The following PIK3AP1 variants were observed in gnomAD, a reference collection of about 807,000 sequenced individuals.
PIK3AP1 encodes the protein phosphoinositide-3-kinase adaptor protein 1, also known as phosphoinositide 3-kinase adapter protein 1.
PIK3AP1 carries 21 observed loss-of-function variants against 88.1 expected under a neutral mutation model. That is an observed-to-expected ratio of 0.24 (90% confidence interval 0.17 to 0.34). The LOEUF is 0.34. PIK3AP1 is among the 10% of genes least tolerant of loss of function. The probability of loss-of-function intolerance (pLI) is 1.00; values close to 1 mark genes in which losing one functional copy is unlikely to be tolerated. For missense variants in PIK3AP1, 828 were observed against 1,035.7 expected (o/e 0.80, Z 2.75); for synonymous variants, 398 against 400.0 (o/e 1.00, Z 0.06).
At chr10:96,680,094 C>CA (rs922685791) in intron 2 of PIK3AP1, among the ~76,000 whole-genome samples, 4 of 152,004 alleles carry the variant, frequency 2.6e-5, no homozygotes, top group Non-Finnish European at 5.9e-5. Context: ...CAGCCCTTTC[C>CA]AAAAAATGGT....
chr10:96,608,707 G>C (rs1849046344), intron 14 of PIK3AP1, among the ~76,000 whole-genome samples: 1 of 152,194 alleles, frequency 6.6e-6, no homozygotes, highest in South Asian at 2.1e-4. Flanking sequence ...GCATGTATCT[G>C]GGGGACACAG....
intron 1 of PIK3AP1, among the ~76,000 whole-genome samples, chr10:96,719,334 C>T (rs967003229): frequency 7.2e-5 from 11 of 152,208 alleles, no homozygotes; most frequent in African/African-American, 2.7e-4. Context: ...CCTGTAAGAA[C>T]AGTGCCTTCT....
Position 96,617,959 on chromosome 10 carries a change from T to C in PIK3AP1, c.1942-1248A>G, listed in dbSNP as rs538601169. ...GCTGAAGGAAAGCTTCAATGTCCAT[T>C]GTGAGAGGGTGACGTGAAGGAGACA... is the stretch of plus-strand genomic sequence containing the variant. On this transcript the variant is annotated intron_variant, in intron 12 of 16. Transcript: ENST00000339364. Among the ~76,000 whole-genome samples the C allele has an allele frequency of 1.2e-4, 18 of 152,120 alleles. No homozygotes were observed. In the South Asian group the frequency reaches 3.7e-3, roughly 32 times the overall value.
At position 96,645,606 on chromosome 10, in the gene PIK3AP1, C is replaced by T. The variant is rs1181792428; in HGVS notation, c.1242G>A (p.Glu414=). 24 of 1,612,266 alleles carry T rather than the reference C, an allele frequency of 1.5e-5. No individual in the cohort carries two copies. The highest frequency in any genetic ancestry group is 1.7e-5 in the Non-Finnish European group (20 of 1,179,228). ...HIKEELMHGE[E]ADAVYESMAH... Reference sequence around the variant, plus strand: ...CCATGGACTCGTACACAGCATCAGCCTCCTCCCCGTGCATCAGTTCCTCTT... The same window carrying T: ...CCATGGACTCGTACACAGCATCAGCTTCCTCCCCGTGCATCAGTTCCTCTT... Residue 414 remains glutamate (E), a synonymous_variant, in exon 8 of 17, where the codon GAG becomes GAA. Transcript: ENST00000339364.
intron 13 of PIK3AP1, among the ~76,000 whole-genome samples, chr10:96,613,484 T>C (rs910192626): frequency 1.3e-5 from 2 of 152,178 alleles, no homozygotes; most frequent in African/African-American, 4.8e-5. Flanking sequence ...CTCTCAATAG[T>C]TATGACATTG....
chr10:96,627,851 A>T (rs756711307), intron 9 of PIK3AP1, among the ~76,000 whole-genome samples: 12 of 152,196 alleles, frequency 7.9e-5, no homozygotes, highest in Non-Finnish European at 1.5e-4. Flanking sequence ...CTCATTTTAC[A>T]ACGGAGGAAA....
intron 2 of PIK3AP1, among the ~76,000 whole-genome samples, chr10:96,667,173 C>T (rs903652023): frequency 6.6e-6 from 1 of 152,228 alleles, no homozygotes; most frequent in African/African-American, 2.4e-5. Flanking sequence ...GCCTCCAACC[C>T]AAGGCTGCAC....
intron 2 of PIK3AP1, among the ~76,000 whole-genome samples, chr10:96,691,306 T>C (rs137959798): frequency 1.5e-3 from 227 of 152,306 alleles, no homozygotes; most frequent in African/African-American, 5.3e-3. Context: ...GGATGTTATA[T>C]CTTGCTATAT....
intron 13 of PIK3AP1, among the ~76,000 whole-genome samples, chr10:96,616,166 A>G (rs1849212073): frequency 6.6e-6 from 1 of 152,166 alleles, no homozygotes; most frequent in Non-Finnish European, 1.5e-5. Flanking sequence ...CTGCTATTGC[A>G]CCATGGAAGC....
intron 2 of PIK3AP1, among the ~76,000 whole-genome samples, chr10:96,677,720 G>A (rs559864389): frequency 3.3e-5 from 5 of 151,848 alleles, no homozygotes; most frequent in African/African-American, 1.2e-4. Context: ...CACACTTTCC[G>A]GTTTAGAATC....
intron 2 of PIK3AP1, among the ~76,000 whole-genome samples, chr10:96,709,166 A>G (rs907222272): frequency 3.3e-5 from 5 of 151,798 alleles, no homozygotes; most frequent in African/African-American, 9.7e-5. Flanking sequence ...TTTTAACAAA[A>G]ATGTGAAGTT....
chr10:96,619,750 C>T (rs1307628267), intron 12 of PIK3AP1, among the ~76,000 whole-genome samples: 1 of 152,256 alleles, frequency 6.6e-6, no homozygotes, highest in African/African-American at 2.4e-5. Context: ...ACACCCCAGT[C>T]CTCCAATCCC....
In PIK3AP1 at chr10:96,709,999, G is replaced by C; in HGVS notation, c.14-16C>G. 6.4e-7 allele frequency: 1 copy of C among 1,560,744 alleles called. No individual in the cohort carries two copies. Among genetic ancestry groups the C allele is most frequent in the Non-Finnish European group, 8.7e-7 (1 of 1,147,598 alleles). On this transcript the variant is annotated splice_polypyrimidine_tract_variant and intron_variant, in intron 1 of 16. Transcript: ENST00000339364. Reference sequence around the variant, plus strand: ...CTGGGCACCCCTGGACAAGAATGAGGCACAGAAGCATGTTAGCACACCTCC... The same window carrying C: ...CTGGGCACCCCTGGACAAGAATGAGCCACAGAAGCATGTTAGCACACCTCC...
At chr10:96,702,147 G>A (rs1844305523) in intron 2 of PIK3AP1, among the ~76,000 whole-genome samples, 1 of 152,180 alleles carries the variant, frequency 6.6e-6, no homozygotes, top group Admixed American at 6.5e-5. Context: ...ACCAGGGACA[G>A]GGGTAAAGAA....
chr10:96,622,522 A>G (rs1014094920), intron 11 of PIK3AP1, among the ~76,000 whole-genome samples: 5 of 152,332 alleles, frequency 3.3e-5, no homozygotes, highest in East Asian at 3.9e-4. Flanking sequence ...AGAGACGTTT[A>G]TCTATCATTC....
intron 2 of PIK3AP1, 96 bp from the exon 3 acceptor site, chr10:96,657,030 A>C: frequency 5.1e-5 from 65 of 1,286,470 alleles, no homozygotes; most frequent in Admixed American, 6.3e-5. Flanking sequence ...CAAAATAGGA[A>C]ACGGCTCTGA....
In PIK3AP1 at chr10:96,628,424, T is replaced by A; in HGVS notation, c.1445A>T (p.Asp482Val). ...TTCTAAAAACTTGCGGATCATAGAG[T>A]CCTTAGTGGCCCGAGAGAAACCATC... The part of the protein sequence containing the change: ...PGDGFSRATK[D>V]SMIRKFLEGN... The change falls in exon 9 of 17, where the codon GAC (aspartate) becomes GTC (valine). Residue 482 changes from aspartate (D) to valine (V), a missense_variant. Physicochemically the swap from Asp to Val is radical, Grantham distance 152 (BLOSUM62 -3). Around this residue, in one of 3 missense-constraint regions of PIK3AP1, gnomAD observed 610 missense variants for 760.1 expected, o/e 0.80. Transcript: ENST00000339364. The A allele has an allele frequency of 1.2e-6, 2 of 1,612,842 alleles. No homozygotes were observed. The highest frequency in any genetic ancestry group is 1.7e-6 in the Non-Finnish European group (2 of 1,178,924).
chr10:96,713,947 G>T (rs1844470386), intron 1 of PIK3AP1, among the ~76,000 whole-genome samples: 2 of 152,154 alleles, frequency 1.3e-5, no homozygotes, highest in African/African-American at 2.4e-5. Context: ...GCCGAGGCAG[G>T]CGGATCACCT....
At chr10:96,708,574 CAAA>C (rs924470384) in intron 2 of PIK3AP1, among the ~76,000 whole-genome samples, 460 of 12,678 alleles carry the variant, frequency 0.036, no homozygotes, top group African/African-American at 0.096. Flanking sequence ...GGATCTGTCT[CAAA>C]AAAAAAAAAA....
Sources: gnomAD v4.1 joint callset for allele counts (sites outside exome capture counted in the v4.1 genomes callset) on GRCh38, gnomAD v4.1.1 for gene constraint, gnomAD v4.1.1 regional missense constraint, MANE v1.5 for transcripts, NCBI Gene and HGNC (gene_info 2026-07-23, HGNC 2026-07-21) for gene names.